Variants in DHTKD1 observed in about 807,000 individuals in gnomAD.
The protein encoded by DHTKD1 is 2-oxoadipate dehydrogenase complex component E1.
Under a neutral mutation model 101.8 loss-of-function variants are expected in DHTKD1, and 78 were observed. The observed-to-expected ratio is 0.77, with a 90% CI of 0.64 to 0.93. The LOEUF is 0.93. Ranked by LOEUF, DHTKD1 falls within the 40% of genes least tolerant of loss-of-function variation. DHTKD1 has a pLI of 0.00. For synonymous variants in DHTKD1, 462 were observed against 450.3 expected, an observed-to-expected ratio of 1.03 and a Z score of -0.33; for missense variants, 1,223 against 1,161.7, an observed-to-expected ratio of 1.05 and a Z score of -0.77.
In DHTKD1 at chr10:12,089,004, C is replaced by T. The variant is rs780313786; in HGVS notation, c.736C>T (p.Arg246Ter). 3.7e-6 allele frequency: 6 copies of T among 1,613,436 alleles called. No individual in the cohort carries two copies. Among genetic ancestry groups the T allele is most frequent in the African/African-American group, 2.7e-5 (2 of 74,876 alleles). ...FPPELMFRKM[R>*]GLSEFPENFS... is the part of the protein sequence containing the mutation. Reference sequence around the variant, plus strand: ...ACAATAGCTGATGTTCCGTAAAATGCGAGGCTTAAGTGAATTTCCAGAGAA... The same window carrying T: ...ACAATAGCTGATGTTCCGTAAAATGTGAGGCTTAAGTGAATTTCCAGAGAA... Residue 246 changes from arginine to a stop codon, truncating the protein, a stop_gained, in exon 5 of 17, where the codon CGA becomes TGA. Transcript: ENST00000263035. LOFTEE classifies it high-confidence loss of function.
chr10:12,098,625 C>T (rs1171123523), intron 8 of DHTKD1, among the ~76,000 whole-genome samples: 13 of 151,882 alleles, frequency 8.6e-5, no homozygotes, highest in Admixed American at 3.9e-4. Context: ...TGTGCAGTGG[C>T]GTGATCTCGG....
intron 2 of DHTKD1, among the ~76,000 whole-genome samples, chr10:12,082,438 C>A (rs1320447261): frequency 6.6e-6 from 1 of 152,110 alleles, no homozygotes; most frequent in Non-Finnish European, 1.5e-5. Context: ...TGAAGTTAAT[C>A]TTGCAAATAT....
chr10:12,075,158 T>C (rs1588600495), intron 1 of DHTKD1, among the ~76,000 whole-genome samples: 1 of 152,132 alleles, frequency 6.6e-6, no homozygotes, highest in Non-Finnish European at 1.5e-5. Flanking sequence ...CCTATGTCAA[T>C]GCATAGAGAT....
chr10:12,077,621 A>AT (rs1174331427), intron 1 of DHTKD1, among the ~76,000 whole-genome samples: 1 of 152,204 alleles, frequency 6.6e-6, no homozygotes, highest in Non-Finnish European at 1.5e-5. Flanking sequence ...AGATGAGTTA[A>AT]TGCCATTGCT....
intron 5 of DHTKD1, 57 bp downstream of exon 5, chr10:12,089,312 G>T (rs888851141): frequency 7.2e-6 from 11 of 1,527,262 alleles, no homozygotes; most frequent in Non-Finnish European, 9.8e-6. Context: ...AAGAATGTGT[G>T]GGTTGGGAGG....
intron 3 of DHTKD1, among the ~76,000 whole-genome samples, chr10:12,086,221 CTTTTCTT>C (rs1832894404): frequency 1.3e-5 from 1 of 78,048 alleles, no homozygotes; most frequent in South Asian, 5.5e-4. Flanking sequence ...CTTTTGTTTT[CTTTTCTT>C]TTTTTTTTTT....
At chr10:12,084,438 A>G in intron 2 of DHTKD1, 102 bp from the exon 3 acceptor site, 1 of 761,020 alleles carries the variant, frequency 1.3e-6, no homozygotes, top group Non-Finnish European at 2.2e-6. Context: ...GTTTTTAAAC[A>G]TTGGGGTTAA....
intron 1 of DHTKD1, among the ~76,000 whole-genome samples, chr10:12,077,821 CAG>C (rs142780207): frequency 0.17 from 25,594 of 150,364 alleles, 2,669 homozygotes; most frequent in African/African-American, 0.3. Flanking sequence ...GAGGAACGTT[CAG>C]AGAGGTTTGT....
chr10:12,085,459 A>C (rs1283344143), intron 3 of DHTKD1, among the ~76,000 whole-genome samples: 1 of 152,158 alleles, frequency 6.6e-6, no homozygotes, highest in Non-Finnish European at 1.5e-5. Flanking sequence ...TGAGCATATC[A>C]CTTTATTCTA....
intron 15 of DHTKD1, 45 bp downstream of exon 15, chr10:12,118,963 A>G: frequency 6.9e-7 from 1 of 1,443,692 alleles, no homozygotes. Flanking sequence ...AGATACCCAA[A>G]ACCCATTTCA....
At chr10:12,119,532 C>A (rs542905768) in intron 15 of DHTKD1, among the ~76,000 whole-genome samples, 1 of 144,956 alleles carries the variant, frequency 6.9e-6, no homozygotes, top group Non-Finnish European at 1.5e-5. Context: ...AGGAGAATGG[C>A]GTGAACCCGG....
intron 7 of DHTKD1, among the ~76,000 whole-genome samples, chr10:12,096,339 T>G (rs1833070871): frequency 6.6e-6 from 1 of 152,194 alleles, no homozygotes; most frequent in African/African-American, 2.4e-5. Flanking sequence ...TCTGTTTAGC[T>G]CTGAATTTAG....
At chr10:12,073,239 G>A (rs557858435) in intron 1 of DHTKD1, among the ~76,000 whole-genome samples, 1 of 152,024 alleles carries the variant, frequency 6.6e-6, no homozygotes, top group South Asian at 2.1e-4. Context: ...CACCATATTG[G>A]CCAGGGTGGT....
chr10:12,113,325 G>A (rs889549004), intron 13 of DHTKD1, among the ~76,000 whole-genome samples: 5 of 152,086 alleles, frequency 3.3e-5, no homozygotes, highest in Admixed American at 2.6e-4. Context: ...AGCCTCCCAA[G>A]TAGCTGAGAT....
chr10:12,094,410 C>T (rs916260194), intron 7 of DHTKD1, 139 bp downstream of exon 7: 13 of 743,082 alleles, frequency 1.7e-5, no homozygotes, highest in African/African-American at 5.2e-5. Flanking sequence ...CTCCACCTCC[C>T]GGGTTCAAAT....
At chr10:12,073,282 C>A (rs1179363777) in intron 1 of DHTKD1, among the ~76,000 whole-genome samples, 1 of 152,130 alleles carries the variant, frequency 6.6e-6, no homozygotes, top group Non-Finnish European at 1.5e-5. Flanking sequence ...ACCCAACAAC[C>A]TCTGCCTCCC....
At chr10:12,088,811 C>T (rs1832942882) in intron 4 of DHTKD1, among the ~76,000 whole-genome samples, 175 bp from the exon 5 acceptor site, 1 of 152,112 alleles carries the variant, frequency 6.6e-6, no homozygotes, top group Non-Finnish European at 1.5e-5. Flanking sequence ...TCCCGAACTC[C>T]TGACCTCAAG....
chr10:12,086,798 C>G (rs1832909535), intron 3 of DHTKD1, among the ~76,000 whole-genome samples: 1 of 152,150 alleles, frequency 6.6e-6, no homozygotes, highest in African/African-American at 2.4e-5. Context: ...TCAAGCAATT[C>G]TCCTGCCTCA....
At position 12,113,041 on chromosome 10, in the gene DHTKD1, C is replaced by G; in HGVS notation, c.2296C>G (p.Pro766Ala). ...NFRKPLIVAS[P>A]KMLLRLPAAV... ...CAGAAAACCACTCATTGTTGCTTCC[C>G]CTAAGATGTTACTCAGGCTCCCGGT... The change falls in exon 13 of 17, where the codon CCT (proline) becomes GCT (alanine). Residue 766 changes from proline (P) to alanine (A), a missense_variant. Pro to Ala is a conservative substitution (Grantham distance 27, BLOSUM62 -1). Coordinates refer to ENST00000263035, the MANE Select transcript of DHTKD1 (RefSeq NM_018706.7). The G allele has an allele frequency of 6.2e-7, 1 of 1,611,634 alleles. No individual in the cohort carries two copies. Among genetic ancestry groups the G allele is most frequent in the Non-Finnish European group, 8.5e-7 (1 of 1,179,094 alleles).
Sources: gnomAD v4.1 joint callset for allele counts (sites outside exome capture counted in the v4.1 genomes callset) on GRCh38, gnomAD v4.1.1 for gene constraint, MANE v1.5 for transcripts, NCBI Gene and HGNC (gene_info 2026-07-23, HGNC 2026-07-21) for gene names.